Variants in NBEA observed in about 807,000 individuals in gnomAD.
The protein encoded by NBEA is lysosomal-trafficking regulator 2.
Under a neutral mutation model 343.4 loss-of-function variants are expected in NBEA, and 44 were observed. The observed-to-expected ratio is 0.13, with a 90% CI of 0.10 to 0.16. The LOEUF is 0.16. Ranked by LOEUF, NBEA falls within the 10% of genes least tolerant of loss-of-function variation. NBEA has a pLI of 1.00. For missense variants in NBEA, 2,555 were observed against 3,631.3 expected (o/e 0.70, Z 7.62); for synonymous variants, 1,175 against 1,238.7 (o/e 0.95, Z 1.08).
chr13:35,116,275 C>T (rs998107190), intron 13 of NBEA, among the ~76,000 whole-genome samples: 5 of 152,150 alleles, frequency 3.3e-5, no homozygotes, highest in South Asian at 2.1e-4. Context: ...CAATGGTTGA[C>T]GGGTTTCCCT....
intron 31 of NBEA, among the ~76,000 whole-genome samples, chr13:35,200,378 GTA>G (rs143323725): frequency 0.045 from 6,498 of 145,196 alleles, 163 homozygotes; most frequent in South Asian, 0.079. Context: ...TGAGTGTTTG[GTA>G]TATATATATA....
At chr13:34,989,297 A>G (rs1443995692) in intron 1 of NBEA, among the ~76,000 whole-genome samples, 1 of 151,046 alleles carries the variant, frequency 6.6e-6, no homozygotes, top group Non-Finnish European at 1.5e-5. Flanking sequence ...CTGTTCTCAC[A>G]TTACTATAAG....
chr13:35,235,761 TTGAG>T (rs1227349555), intron 34 of NBEA, among the ~76,000 whole-genome samples: 1 of 152,212 alleles, frequency 6.6e-6, no homozygotes, highest in Non-Finnish European at 1.5e-5. Flanking sequence ...AGAAAAATGA[TTGAG>T]TAATTGAGAG....
chr13:35,098,457 T>C, intron 11 of NBEA, 52 bp downstream of exon 11: 1 of 1,301,460 alleles, frequency 7.7e-7, no homozygotes, highest in African/African-American at 1.5e-5. Flanking sequence ...GTTGGACAGC[T>C]GTTAATCACT....
chr13:35,302,720 A>G (rs1025248320), intron 35 of NBEA, among the ~76,000 whole-genome samples: 6 of 152,192 alleles, frequency 3.9e-5, no homozygotes, highest in Non-Finnish European at 5.9e-5. Context: ...TTGCCATTCA[A>G]TGTTGGCTAA....
rs984007924 is a variant in NBEA, at chr13:35,182,503, A to G, written c.4806A>G (p.Gln1602=). ...GCCAACCAGGTAGAAACATCAGGCA[A>G]GAAATAAATTCACCAACAAGTACAG... ...TGSQPGRNIR[Q]EINSPTSTVV... The change falls in exon 29 of 59, where the codon CAA becomes CAG. Residue 1602 remains glutamine, a synonymous_variant. Transcript: ENST00000379939. 1 of 1,610,016 alleles carries G rather than the reference A, an allele frequency of 6.2e-7. No homozygotes were observed. Among genetic ancestry groups the G allele is most frequent in the South Asian group, 1.1e-5 (1 of 90,974 alleles).
At chr13:35,417,407 A>T (rs552585083) in intron 38 of NBEA, among the ~76,000 whole-genome samples, 1 of 152,042 alleles carries the variant, frequency 6.6e-6, no homozygotes, top group East Asian at 1.9e-4. Flanking sequence ...ACCGCTTTAA[A>T]TGTGTCCCCG....
intron 41 of NBEA, among the ~76,000 whole-genome samples, chr13:35,481,388 C>T (rs917542944): frequency 1.3e-5 from 2 of 151,526 alleles, no homozygotes; most frequent in African/African-American, 4.8e-5. Flanking sequence ...TCATAATTGT[C>T]TCTGTTTCCT....
intron 40 of NBEA, among the ~76,000 whole-genome samples, chr13:35,471,883 TTA>T (rs1212699913): frequency 1.3e-5 from 2 of 150,376 alleles, no homozygotes; most frequent in African/African-American, 4.9e-5. Context: ...CGATATTAGA[TTA>T]ATCTTCCTGC....
chr13:35,476,669 G>T, intron 41 of NBEA: 1 of 695,042 alleles, frequency 1.4e-6, no homozygotes, highest in South Asian at 3.1e-5. Flanking sequence ...TATGTCAGAA[G>T]AAGCTGCTGT....
At chr13:35,243,761 T>C (rs1732552064) in intron 34 of NBEA, among the ~76,000 whole-genome samples, 1 of 151,860 alleles carries the variant, frequency 6.6e-6, no homozygotes, top group African/African-American at 2.4e-5. Flanking sequence ...GAAGCAAATA[T>C]TGACAGACTT....
rs2075813768 is a variant in NBEA, at chr13:35,475,321, T to C, written c.6585+2785T>C. 3.7e-6 allele frequency: 6 copies of C among 1,614,004 alleles called. 1 individual carries two copies. The highest frequency in any genetic ancestry group is 4.5e-5 in the East Asian group (2 of 44,836). ...CTCGTAGGAAACCAGAGTCTTCATA[T>C]GGTAATTGTTCAAGGGCTGGCCCGG... is the stretch of plus-strand genomic sequence containing the variant. On this transcript the variant is annotated intron_variant, in intron 41 of 58. Transcript: ENST00000379939.
chr13:35,584,425 C>G (rs1001396353), intron 46 of NBEA, among the ~76,000 whole-genome samples: 1 of 151,050 alleles, frequency 6.6e-6, no homozygotes, highest in Non-Finnish European at 1.5e-5. Flanking sequence ...CTCAAAGGAT[C>G]TTCCTGCCTC....
chr13:35,283,235 A>G (rs919243055), intron 34 of NBEA, among the ~76,000 whole-genome samples: 6 of 152,166 alleles, frequency 3.9e-5, no homozygotes, highest in South Asian at 4.1e-4. Context: ...AAAAATATTC[A>G]CAGTAAGATT....
intron 40 of NBEA, 34 bp from the exon 41 acceptor site, chr13:35,472,366 G>T: frequency 6.2e-7 from 1 of 1,604,036 alleles, no homozygotes; most frequent in South Asian, 1.1e-5. Flanking sequence ...GGCCACAGGG[G>T]CTCAGCCTGA....
At chr13:35,069,849 AC>A in intron 8 of NBEA, 58 bp from the exon 9 acceptor site, 1 of 1,239,994 alleles carries the variant, frequency 8.1e-7, no homozygotes, top group Non-Finnish European at 1.1e-6. Context: ...CTGCTTTAAA[AC>A]TTTTGAGTGT....
Position 35,565,184 on chromosome 13 carries a change from A to G in NBEA, c.6923-1721A>G, listed in dbSNP as rs1260156069. On this transcript the variant is annotated intron_variant, in intron 44 of 58. Coordinates refer to ENST00000379939, the MANE Select transcript of NBEA (RefSeq NM_001385012.1). ...TTCTGCTGCCATTACCCACACCTAT[A>G]TTACATACCCACACCTATATTACAT... Among the ~76,000 whole-genome samples, 8 of 152,280 alleles carry G rather than the reference A, an allele frequency of 5.3e-5. No homozygotes were observed. The East Asian group carries it at 5.8e-4, about 11-fold the overall frequency.
intron 39 of NBEA, among the ~76,000 whole-genome samples, 177 bp from the exon 40 acceptor site, chr13:35,451,915 C>T (rs2046331246): frequency 6.6e-6 from 1 of 152,138 alleles, no homozygotes; most frequent in Non-Finnish European, 1.5e-5. Context: ...CAGCTCCGCA[C>T]ACCCCATGTT....
intron 38 of NBEA, among the ~76,000 whole-genome samples, chr13:35,387,352 CATTGATTTTTTTTCCTTGCGA>C (rs576283289): frequency 2.0e-5 from 3 of 152,126 alleles, no homozygotes; most frequent in South Asian, 2.1e-4. Context: ...TGAGTAGGGA[CATTGATTTTTTTTCCTTGCGA>C]ATTGATTTTT....
Sources: gnomAD v4.1 joint callset for allele counts (sites outside exome capture counted in the v4.1 genomes callset) on GRCh38, gnomAD v4.1.1 for gene constraint, MANE v1.5 for transcripts, NCBI Gene and HGNC (gene_info 2026-07-23, HGNC 2026-07-21) for gene names.